EYA1: variants seen among roughly 807,000 people sequenced by gnomAD.
The protein encoded by EYA1 is EYA transcriptional coactivator and phosphatase 1, also known as protein phosphatase EYA1.
EYA1 carries 16 observed loss-of-function variants against 82.0 expected under a neutral mutation model. The ratio of observed to expected loss-of-function variants is 0.20; its 90% CI spans 0.13 to 0.30. The LOEUF is 0.30. Ranked by LOEUF, EYA1 falls within the 10% of genes least tolerant of loss-of-function variation. The probability of loss-of-function intolerance (pLI) is 1.00; values close to 1 mark genes in which losing one functional copy is unlikely to be tolerated. For synonymous variants in EYA1, 261 were observed against 264.4 expected, an observed-to-expected ratio of 0.99 and a Z score of 0.12; for missense variants, 633 against 730.7, an observed-to-expected ratio of 0.87 and a Z score of 1.54.
chr8:71,447,083 T>TATAC (rs1806947687), intron 2 of EYA1, among the ~76,000 whole-genome samples: 1 of 45,548 alleles, frequency 2.2e-5, no homozygotes, highest in Non-Finnish European at 3.6e-5. Context: ...TGATAATCTT[T>TATAC]ATATATATAT....
Position 71,354,760 on chromosome 8 carries a change from T to C in EYA1, c.124+22A>G, listed in dbSNP as rs775824645. 9.9e-6 allele frequency: 16 copies of C among 1,610,064 alleles called. No individual in the cohort carries two copies. In the East Asian group the frequency reaches 3.4e-4, roughly 34 times the overall value. On this transcript the variant is annotated intron_variant, in intron 3 of 17. Transcript: ENST00000340726. ...ATGAAGAAACAAGGTGCAAAGTAAA[T>C]AGTGAGAAGGCAGACACTCACCTTC...
rs535924466 is a variant in EYA1 at position 71,497,385 on chromosome 8, G to A, written c.33+38359C>T. 3.3e-5 allele frequency among the ~76,000 whole-genome samples: 5 copies of A among 152,268 alleles called. No individual in the cohort carries two copies. In the South Asian group the frequency reaches 1.0e-3, roughly 32 times the overall value. ...ATATAAGAACTCAAACAACTCACTA[G>A]CAAGAAAACAACCCAATTTAAAAAT... On this transcript the variant is annotated intron_variant, in intron 2 of 18. Transcript: ENST00000643681.
At chr8:71,259,179 A>T (rs1438901901) in intron 11 of EYA1, among the ~76,000 whole-genome samples, 2 of 152,136 alleles carry the variant, frequency 1.3e-5, no homozygotes, top group Non-Finnish European at 1.5e-5. Context: ...TCTATGGTCA[A>T]CCAAGCCAGA....
At chr8:71,291,101 C>T (rs1360236120) in intron 9 of EYA1, among the ~76,000 whole-genome samples, 4 of 152,128 alleles carry the variant, frequency 2.6e-5, no homozygotes, top group African/African-American at 4.8e-5. Context: ...AGCATCAAGA[C>T]GCTTGCTATT....
At chr8:71,369,466 C>T (rs1419933412) in intron 2 of EYA1, among the ~76,000 whole-genome samples, 1 of 152,132 alleles carries the variant, frequency 6.6e-6, no homozygotes, top group Non-Finnish European at 1.5e-5. Context: ...TGTCACAGTA[C>T]TTATTCTCTC....
upstream of EYA1, among the ~76,000 whole-genome samples, chr8:71,366,979 A>G (rs896479620): frequency 2.6e-5 from 4 of 152,218 alleles, no homozygotes; most frequent in Admixed American, 2.6e-4. Context: ...ATCACTATAT[A>G]GTAGCTGATT....
chr8:71,457,810 C>T (rs886362030), intron 2 of EYA1, among the ~76,000 whole-genome samples: 1 of 152,078 alleles, frequency 6.6e-6, no homozygotes, highest in African/African-American at 2.4e-5. Context: ...GTGCAGCACA[C>T]CAACATGGCA....
At chr8:71,313,320 A>C (rs1821559366) in intron 7 of EYA1, among the ~76,000 whole-genome samples, 2 of 152,078 alleles carry the variant, frequency 1.3e-5, no homozygotes, top group African/African-American at 2.4e-5. Flanking sequence ...TGGTTTCTTA[A>C]AGTTCTCTTT....
At chr8:71,528,265 G>A (rs1057318380) in intron 2 of EYA1, among the ~76,000 whole-genome samples, 6 of 152,122 alleles carry the variant, frequency 3.9e-5, no homozygotes, top group African/African-American at 1.4e-4. Context: ...TGGACCAAGT[G>A]AGCTACACCA....
At chr8:71,457,524 A>G (rs766327158) in intron 2 of EYA1, among the ~76,000 whole-genome samples, 4 of 152,218 alleles carry the variant, frequency 2.6e-5, no homozygotes, top group East Asian at 3.8e-4. Context: ...ATGTCCATCA[A>G]TGACAGACTG....
At chr8:71,289,716 G>A (rs1818787666) in intron 9 of EYA1, among the ~76,000 whole-genome samples, 1 of 152,158 alleles carries the variant, frequency 6.6e-6, no homozygotes, top group Non-Finnish European at 1.5e-5. Context: ...GGAGCTGGGT[G>A]GGAATTATCT....
chr8:71,286,993 G>C (rs1039719778), intron 9 of EYA1, among the ~76,000 whole-genome samples: 1 of 151,732 alleles, frequency 6.6e-6, no homozygotes, highest in Non-Finnish European at 1.5e-5. Flanking sequence ...GTAGAGACAG[G>C]GTTTCATCAT....
intron 2 of EYA1, among the ~76,000 whole-genome samples, chr8:71,386,558 A>G (rs997353663): frequency 7.2e-5 from 11 of 152,234 alleles, no homozygotes; most frequent in Admixed American, 4.6e-4. Context: ...TGAGTTGACA[A>G]TAGCTAATTC....
chr8:71,321,654 G>A, intron 6 of EYA1, 80 bp downstream of exon 6: 1 of 1,528,270 alleles, frequency 6.5e-7, no homozygotes. Context: ...CCAAAGATTG[G>A]GTCTTTAAGT....
chr8:71,240,758 T>A lies in EYA1; in HGVS notation c.1140+3845A>T, dbSNP rs73684730. Among the ~76,000 whole-genome samples, 531 of 152,332 alleles carry A rather than the reference T, an allele frequency of 3.5e-3. 2 individuals carry two copies. The highest frequency in any genetic ancestry group is 0.012 in the African/African-American group (503 of 41,582). The stretch of plus-strand genomic sequence containing the variant: ...GACCTGTATCCATCTTCATAAAATA[T>A]TTTCTTCTAACTGTGGAAAAATCCA... On this transcript the variant is annotated intron_variant, in intron 12 of 17. Coordinates refer to ENST00000340726, the MANE Select transcript of EYA1 (RefSeq NM_000503.6).
At chr8:71,319,355 C>T (rs1822276633) in intron 6 of EYA1, among the ~76,000 whole-genome samples, 1 of 152,136 alleles carries the variant, frequency 6.6e-6, no homozygotes, top group African/African-American at 2.4e-5. Flanking sequence ...TGGTCTAGAT[C>T]TCCTGACCTC....
At chr8:71,399,418 G>T (rs1244375015) in intron 2 of EYA1, among the ~76,000 whole-genome samples, 1 of 152,116 alleles carries the variant, frequency 6.6e-6, no homozygotes, top group Non-Finnish European at 1.5e-5. Flanking sequence ...ACCTCCTCCT[G>T]CTTATGTCTC....
chr8:71,422,576 A>G (rs1831201362), intron 2 of EYA1, among the ~76,000 whole-genome samples: 1 of 152,202 alleles, frequency 6.6e-6, no homozygotes, highest in African/African-American at 2.4e-5. Context: ...TGCTGCTAAT[A>G]AAGACATACC....
chr8:71,306,080 C>A (rs576830805), intron 7 of EYA1, among the ~76,000 whole-genome samples: 8 of 152,330 alleles, frequency 5.3e-5, no homozygotes, highest in African/African-American at 1.9e-4. Context: ...CCAGGTGTCA[C>A]AGCTCTCACT....
Sources: allele counts gnomAD v4.1 joint callset (sites outside exome capture counted in the v4.1 genomes callset), GRCh38; gene constraint gnomAD v4.1.1; transcripts MANE v1.5; gene names NCBI Gene and HGNC (gene_info 2026-07-23, HGNC 2026-07-21).